NDST3: variants seen among roughly 807,000 people sequenced by gnomAD.
NDST3 encodes the protein N-deacetylase and N-sulfotransferase 3.
In NDST3, 58 loss-of-function variants were observed where a neutral mutation model predicts 96.1. That is an observed-to-expected ratio of 0.60 (90% CI 0.49 to 0.75). NDST3 has a LOEUF of 0.75. Ranked by LOEUF, NDST3 falls within the 30% of genes least tolerant of loss-of-function variation. The probability of loss-of-function intolerance (pLI) is 0.00; values close to 1 mark genes in which losing one functional copy is unlikely to be tolerated. For synonymous variants in NDST3, 333 were observed against 359.7 expected, an observed-to-expected ratio of 0.93 and a Z score of 0.84; for missense variants, 788 against 1,034.2, an observed-to-expected ratio of 0.76 and a Z score of 3.27.
chr4:118,232,347 A>G (rs978860572), intron 8 of NDST3, among the ~76,000 whole-genome samples: 1 of 152,168 alleles, frequency 6.6e-6, no homozygotes, highest in Non-Finnish European at 1.5e-5. Flanking sequence ...AAGCTGAGAC[A>G]GGTCAGGAGA....
chr4:118,223,573 T>A (rs1469900415), intron 6 of NDST3, among the ~76,000 whole-genome samples: 3 of 152,100 alleles, frequency 2.0e-5, no homozygotes. Context: ...CTACTTCCTC[T>A]TATTCATAGT....
intron 3 of NDST3, among the ~76,000 whole-genome samples, chr4:118,113,013 G>A (rs913301344): frequency 6.6e-6 from 1 of 152,016 alleles, no homozygotes; most frequent in Non-Finnish European, 1.5e-5. Context: ...AAAAACTCAA[G>A]GAGCCATGCA....
chr4:118,209,626 A>C (rs1002454764), intron 6 of NDST3, among the ~76,000 whole-genome samples: 2 of 152,180 alleles, frequency 1.3e-5, no homozygotes, highest in African/African-American at 4.8e-5. Context: ...TAGCCAGAAA[A>C]ATTATGTGAG....
At chr4:118,042,155 T>C (rs570520856) in intron 1 of NDST3, among the ~76,000 whole-genome samples, 163 of 152,340 alleles carry the variant, frequency 1.1e-3, no homozygotes, top group Non-Finnish European at 2.0e-3. Flanking sequence ...TCCATCTATC[T>C]ATCTGAATCT....
chr4:118,221,818 A>C (rs1739564354), intron 6 of NDST3, among the ~76,000 whole-genome samples: 1 of 152,142 alleles, frequency 6.6e-6, no homozygotes, highest in South Asian at 2.1e-4. Context: ...TGGCAGTTTC[A>C]AATGATGTGA....
intron 3 of NDST3, among the ~76,000 whole-genome samples, chr4:118,106,954 G>A (rs565614389): frequency 6.6e-6 from 1 of 152,288 alleles, no homozygotes; most frequent in Admixed American, 6.5e-5. Context: ...GCCAGGCATC[G>A]TGGCAGGCCC....
At chr4:118,154,490 T>C (rs1178411518) in intron 6 of NDST3, among the ~76,000 whole-genome samples, 2 of 152,324 alleles carry the variant, frequency 1.3e-5, no homozygotes, top group East Asian at 1.9e-4. Context: ...ATAGCAAGCC[T>C]AGTTTTAATA....
chr4:118,104,923 C>T (rs1340054223), intron 2 of NDST3, 95 bp from the exon 3 acceptor site: 1 of 904,232 alleles, frequency 1.1e-6, no homozygotes, highest in Non-Finnish European at 1.7e-6. Flanking sequence ...GTATAAGGAA[C>T]TGGTTTTATC....
At chr4:118,039,353 A>C (rs1426070686) in intron 1 of NDST3, among the ~76,000 whole-genome samples, 1 of 152,184 alleles carries the variant, frequency 6.6e-6, no homozygotes, top group Non-Finnish European at 1.5e-5. Context: ...GGTTTGACTT[A>C]AATACTGCCC....
chr4:118,216,632 A>T (rs1739211009), intron 6 of NDST3, among the ~76,000 whole-genome samples: 1 of 152,092 alleles, frequency 6.6e-6, no homozygotes, highest in South Asian at 2.1e-4. Flanking sequence ...AGACATAAAG[A>T]TATAGTTTAT....
intron 6 of NDST3, among the ~76,000 whole-genome samples, chr4:118,207,035 A>T (rs1396800031): frequency 7.0e-6 from 1 of 143,198 alleles, no homozygotes; most frequent in Non-Finnish European, 1.5e-5. Context: ...TCCCTTATGT[A>T]CTGATTAAAA....
chr4:118,223,906 T>C (rs1739703851), intron 6 of NDST3, among the ~76,000 whole-genome samples: 1 of 152,144 alleles, frequency 6.6e-6, no homozygotes, highest in African/African-American at 2.4e-5. Flanking sequence ...CAGCAAAAAT[T>C]ATCTGCATTC....
intron 6 of NDST3, among the ~76,000 whole-genome samples, chr4:118,195,731 C>G (rs1737637409): frequency 6.6e-6 from 1 of 152,182 alleles, no homozygotes; most frequent in African/African-American, 2.4e-5. Flanking sequence ...CAAAATTTAT[C>G]AGTTCTAATA....
At chr4:118,138,262 A>G (rs1402058990) in intron 5 of NDST3, 23 bp downstream of exon 5, 1 of 1,582,286 alleles carries the variant, frequency 6.3e-7, no homozygotes, top group Non-Finnish European at 8.6e-7. Context: ...CAGTATGCAT[A>G]GGGTACAACT....
chr4:118,155,777 A>G (rs1734675393), intron 6 of NDST3, among the ~76,000 whole-genome samples: 1 of 152,228 alleles, frequency 6.6e-6, no homozygotes, highest in Non-Finnish European at 1.5e-5. Context: ...TACTGTAATT[A>G]CTTGTCACTC....
intron 2 of NDST3, among the ~76,000 whole-genome samples, chr4:118,082,572 T>C (rs1354389556): frequency 6.6e-6 from 1 of 152,038 alleles, no homozygotes; most frequent in Non-Finnish European, 1.5e-5. Flanking sequence ...AAGTAAATAT[T>C]GTCTTTTTAT....
intron 3 of NDST3, among the ~76,000 whole-genome samples, chr4:118,113,039 A>G (rs1044187119): frequency 6.6e-6 from 1 of 152,218 alleles, no homozygotes; most frequent in African/African-American, 2.4e-5. Flanking sequence ...ACACAAGAAG[A>G]ACAGAAGTAG....
chr4:118,226,753 A>AT, intron 7 of NDST3, 133 bp from the exon 8 acceptor site: 3 of 638,384 alleles, frequency 4.7e-6, no homozygotes, highest in Non-Finnish European at 5.3e-6. Flanking sequence ...CAGGGCTTTC[A>AT]TTTTTTTAAA....
chr4:118,172,580 A>AATT (rs1736019301), intron 6 of NDST3, among the ~76,000 whole-genome samples: 1 of 152,338 alleles, frequency 6.6e-6, no homozygotes, highest in Admixed American at 6.5e-5. Flanking sequence ...ACAAAATGTC[A>AATT]TTAAAATAAC....
Sources: gnomAD v4.1 joint callset for allele counts (sites outside exome capture counted in the v4.1 genomes callset) on GRCh38, gnomAD v4.1.1 for gene constraint, MANE v1.5 for transcripts, NCBI Gene and HGNC (gene_info 2026-07-23, HGNC 2026-07-21) for gene names.